Variants in C10orf90 observed in about 807,000 individuals in gnomAD.
C10orf90 encodes the protein chromosome 10 open reading frame 90, also known as (E2-independent) E3 ubiquitin-conjugating enzyme FATS.
In C10orf90, 56 loss-of-function variants were observed where a neutral mutation model predicts 62.5. The observed-to-expected ratio is 0.90, with a 90% CI of 0.72 to 1.12. The LOEUF is 1.12. Ranked by LOEUF, C10orf90 falls within the 50% of genes most tolerant of loss-of-function variation. C10orf90 has a pLI of 0.00. For synonymous variants in C10orf90, 386 were observed against 340.4 expected, an observed-to-expected ratio of 1.13 and a Z score of -1.47; for missense variants, 970 against 880.4, an observed-to-expected ratio of 1.10 and a Z score of -1.29.
chr10:126,666,802 C>A (rs1443127343), intron 1 of C10orf90, among the ~76,000 whole-genome samples: 1 of 151,748 alleles, frequency 6.6e-6, no homozygotes, highest in Non-Finnish European at 1.5e-5. Flanking sequence ...TATGGTAAAA[C>A]CCCATCTCTA....
intron 7 of C10orf90, among the ~76,000 whole-genome samples, chr10:126,454,244 C>G (rs907562490): frequency 2.0e-5 from 3 of 151,880 alleles, no homozygotes; most frequent in African/African-American, 7.3e-5. Context: ...GGGCTTGTAC[C>G]CATATGACTT....
chr10:126,598,808 A>C (rs1359379751), intron 2 of C10orf90, among the ~76,000 whole-genome samples: 1 of 152,200 alleles, frequency 6.6e-6, no homozygotes, highest in East Asian at 1.9e-4. Flanking sequence ...CATTGGGGTA[A>C]GGAGGGGAAA....
At chr10:126,489,218 A>C (rs1019729819) in intron 4 of C10orf90, among the ~76,000 whole-genome samples, 25 of 152,258 alleles carry the variant, frequency 1.6e-4, no homozygotes, top group African/African-American at 5.1e-4. Context: ...AGTTAATGTA[A>C]CATATGAAAA....
chr10:126,603,202 G>A (rs931334979), intron 2 of C10orf90, among the ~76,000 whole-genome samples: 1 of 152,160 alleles, frequency 6.6e-6, no homozygotes, highest in African/African-American at 2.4e-5. Flanking sequence ...ATAGTAAGAG[G>A]TTTAATTGAC....
chr10:126,554,780 G>A (rs146054443), intron 2 of C10orf90, among the ~76,000 whole-genome samples: 228 of 152,254 alleles, frequency 1.5e-3, no homozygotes, highest in African/African-American at 5.4e-3. Flanking sequence ...AGTCAAAGAC[G>A]CTTTTATTCC....
intron 2 of C10orf90, among the ~76,000 whole-genome samples, chr10:126,563,045 T>C (rs1015526837): frequency 9.2e-5 from 14 of 152,192 alleles, no homozygotes; most frequent in South Asian, 6.2e-4. Flanking sequence ...TGATGTCACA[T>C]TGATGACTTG....
chr10:126,587,842 G>A (rs547942985), intron 2 of C10orf90, among the ~76,000 whole-genome samples: 1 of 152,214 alleles, frequency 6.6e-6, no homozygotes, highest in Non-Finnish European at 1.5e-5. Flanking sequence ...GGCAGGCACT[G>A]TGCCTCTAGA....
At chr10:126,557,496 G>T in intron 2 of C10orf90, among the ~76,000 whole-genome samples, 1 of 111,594 alleles carries the variant, frequency 9.0e-6, no homozygotes, top group African/African-American at 3.2e-5. Context: ...AAAAAAAAAA[G>T]TTACCAAAAG....
chr10:126,568,917 T>C (rs1198380784), intron 2 of C10orf90, among the ~76,000 whole-genome samples: 1 of 151,760 alleles, frequency 6.6e-6, no homozygotes, highest in African/African-American at 2.4e-5. Flanking sequence ...ACAAGGAGGT[T>C]TAGGGCACCT....
At chr10:126,594,045 T>C (rs1436025480) in intron 2 of C10orf90, among the ~76,000 whole-genome samples, 1 of 148,844 alleles carries the variant, frequency 6.7e-6, no homozygotes, top group Non-Finnish European at 1.5e-5. Flanking sequence ...GCCACAGGAG[T>C]GAAAAAGGCC....
intron 4 of C10orf90, among the ~76,000 whole-genome samples, chr10:126,496,111 G>T (rs547187539): frequency 6.6e-6 from 1 of 152,240 alleles, no homozygotes; most frequent in East Asian, 1.9e-4. Context: ...TAAAAGATCA[G>T]CCCATTACCT....
chr10:126,606,743 C>T (rs918471624), intron 2 of C10orf90, among the ~76,000 whole-genome samples: 1 of 152,182 alleles, frequency 6.6e-6, no homozygotes, highest in Non-Finnish European at 1.5e-5. Flanking sequence ...GAATGAAGTT[C>T]AATCATTTCC....
intron 2 of C10orf90, among the ~76,000 whole-genome samples, chr10:126,565,093 TA>T (rs1844313696): frequency 1.7e-4 from 2 of 11,700 alleles, no homozygotes; most frequent in African/African-American, 4.4e-4. Context: ...AAATATATAT[TA>T]TATAATATAT....
At chr10:126,436,835 T>C (rs575566180) in intron 7 of C10orf90, among the ~76,000 whole-genome samples, 1 of 152,172 alleles carries the variant, frequency 6.6e-6, no homozygotes, top group South Asian at 2.1e-4. Context: ...TTTTGTTTTG[T>C]TTTTTGTAGA....
rs556447062 is a variant in C10orf90, at chr10:126,653,160, G to A, written c.241-6523C>T. ...TTGACAGCTGCCAGCTGATCAGGGT[G>A]GTGTTTGCTGAAGGCTGCAGTGGCT... On this transcript the variant is annotated intron_variant, in intron 1 of 9. Coordinates refer to ENST00000488181, the MANE Select transcript of C10orf90 (RefSeq NM_001350921.2). Among the ~76,000 whole-genome samples the A allele has an allele frequency of 6.6e-5, 10 of 152,300 alleles. No individual in the cohort carries two copies. In the South Asian group the frequency reaches 2.1e-3, roughly 32 times the overall value.
intron 5 of C10orf90, 142 bp downstream of exon 5, chr10:126,464,554 C>T: frequency 1.0e-6 from 1 of 979,900 alleles, no homozygotes; most frequent in South Asian, 1.6e-5. Flanking sequence ...AACCATTTGT[C>T]CCCTCTCTGC....
At chr10:126,510,988 C>G (rs1291913188) in intron 3 of C10orf90, among the ~76,000 whole-genome samples, 1 of 152,236 alleles carries the variant, frequency 6.6e-6, no homozygotes. Context: ...CATTGCTGCT[C>G]TGCAGCCTAC....
intron 2 of C10orf90, among the ~76,000 whole-genome samples, chr10:126,584,449 T>C (rs1591121110): frequency 6.6e-6 from 1 of 152,236 alleles, no homozygotes; most frequent in African/African-American, 2.4e-5. Context: ...TCCCTCTGTC[T>C]ACCTGTCTGT....
intron 7 of C10orf90, among the ~76,000 whole-genome samples, chr10:126,450,742 A>G (rs1859126342): frequency 6.6e-6 from 1 of 152,240 alleles, no homozygotes; most frequent in African/African-American, 2.4e-5. Flanking sequence ...TAAAACTACT[A>G]GAAGAAAACA....
Sources: allele counts gnomAD v4.1 joint callset (sites outside exome capture counted in the v4.1 genomes callset), GRCh38; gene constraint gnomAD v4.1.1; transcripts MANE v1.5; gene names NCBI Gene and HGNC (gene_info 2026-07-23, HGNC 2026-07-21).